Variants in PITPNC1 observed in about 807,000 individuals in gnomAD.
PITPNC1 encodes the protein cytoplasmic phosphatidylinositol transfer protein 1.
In PITPNC1, 18 loss-of-function variants were observed where a neutral mutation model predicts 44.7. The ratio of observed to expected loss-of-function variants is 0.40; its 90% CI spans 0.28 to 0.60. PITPNC1 has a LOEUF of 0.60. PITPNC1 is among the 20% of genes least tolerant of loss of function. PITPNC1 has a pLI of 0.39. For synonymous variants in PITPNC1, 141 were observed against 149.6 expected (o/e 0.94, Z 0.42); for missense variants, 290 against 418.4 (o/e 0.69, Z 2.68).
chr17:67,552,802 C>T (rs532874314), intron 3 of PITPNC1, among the ~76,000 whole-genome samples: 1,781 of 132,870 alleles, frequency 0.013, 20 homozygotes, highest in African/African-American at 0.039. Flanking sequence ...AGCGAGACTC[C>T]GTCAAAAAAA....
At chr17:67,566,804 A>T (rs1166852883) in intron 4 of PITPNC1, among the ~76,000 whole-genome samples, 2 of 152,158 alleles carry the variant, frequency 1.3e-5, no homozygotes, top group African/African-American at 4.8e-5. Context: ...TGTGCTTTCA[A>T]CCTCTGCTTC....
chr17:67,640,451 A>G (rs2042080165), intron 6 of PITPNC1, among the ~76,000 whole-genome samples: 2 of 152,026 alleles, frequency 1.3e-5, no homozygotes, highest in African/African-American at 4.8e-5. Flanking sequence ...AGGCCGAGGC[A>G]GGCGGATCAC....
Position 67,438,642 on chromosome 17 carries a change from G to A in PITPNC1, c.48+60440G>A, listed in dbSNP as rs550371393. On this transcript the variant is annotated intron_variant, in intron 1 of 8. Coordinates refer to ENST00000581322, the MANE Select transcript of PITPNC1 (RefSeq NM_012417.4). ...GGCCTAAGTGACTTTCTAATGCACA[G>A]AATGTGTGAATTTTAGAATATGATC... 4.4e-4 allele frequency among the ~76,000 whole-genome samples: 67 copies of A among 152,290 alleles called. 1 individual carries two copies. Among genetic ancestry groups the A allele is most frequent in the Admixed American group, 2.8e-3 (43 of 15,300 alleles).
chr17:67,654,180 C>T (rs1301986587), intron 6 of PITPNC1, among the ~76,000 whole-genome samples: 1 of 152,180 alleles, frequency 6.6e-6, no homozygotes, highest in Non-Finnish European at 1.5e-5. Flanking sequence ...ACTGTCGGTT[C>T]ACCTGGACCC....
intron 2 of PITPNC1, among the ~76,000 whole-genome samples, chr17:67,537,975 A>G (rs1454521253): frequency 2.0e-5 from 3 of 151,996 alleles, no homozygotes; most frequent in African/African-American, 2.4e-5. Context: ...CCATCTCAAA[A>G]AGAAAAAAAA....
Position 67,379,083 on chromosome 17 carries a change from T to G in PITPNC1, c.48+881T>G, listed in dbSNP as rs1326171002. On this transcript the variant is annotated intron_variant, in intron 1 of 8. Transcript: ENST00000581322. Reference sequence around the variant, plus strand: ...CGGCCCCGGCTTCCCTTTCTTCCCCTTCTTCCTCCCCACCTTTGTGGTGAT... The same window carrying G: ...CGGCCCCGGCTTCCCTTTCTTCCCCGTCTTCCTCCCCACCTTTGTGGTGAT... 4.1e-6 allele frequency: 4 copies of G among 985,822 alleles called. No individual in the cohort carries two copies. In the South Asian group the frequency reaches 1.4e-4, roughly 35 times the overall value. 61.1% of individuals were successfully genotyped at this position (985,822 alleles called of 1,614,324 possible). A position where few individuals can be genotyped will look rare whatever the true frequency, so the allele number is the denominator to read the frequency against.
chr17:67,673,217 C>A (rs899378983), intron 7 of PITPNC1, among the ~76,000 whole-genome samples: 1 of 152,212 alleles, frequency 6.6e-6, no homozygotes, highest in Admixed American at 6.5e-5. Flanking sequence ...TAAAATCCTT[C>A]ATTTATTGAA....
chr17:67,605,103 CAATAA>C (rs1203907628), intron 5 of PITPNC1, among the ~76,000 whole-genome samples: 1 of 152,046 alleles, frequency 6.6e-6, no homozygotes, highest in Admixed American at 6.6e-5. Context: ...TAAAACAAAA[CAATAA>C]AATAAAATAA....
At chr17:67,522,731 C>T (rs1323031416) in intron 1 of PITPNC1, among the ~76,000 whole-genome samples, 2 of 142,652 alleles carry the variant, frequency 1.4e-5, no homozygotes, top group African/African-American at 5.4e-5. Context: ...GATCATAGCT[C>T]ACTGCATTGC....
chr17:67,479,763 T>C (rs576082532), intron 1 of PITPNC1, among the ~76,000 whole-genome samples: 1 of 152,310 alleles, frequency 6.6e-6, no homozygotes, highest in Admixed American at 6.5e-5. Flanking sequence ...TCCTTTAGGT[T>C]CTAAGGACTG....
chr17:67,500,201 C>T (rs965796367), intron 1 of PITPNC1, among the ~76,000 whole-genome samples: 1 of 152,232 alleles, frequency 6.6e-6, no homozygotes, highest in African/African-American at 2.4e-5. Context: ...GCAATATTCT[C>T]TTTCCTTTCT....
In PITPNC1 at chr17:67,552,142, A is replaced by AC. The variant is rs2040773853; in HGVS notation, c.198-115_198-114insC. The AC allele has an allele frequency of 4.4e-6, 3 of 684,882 alleles. No individual in the cohort carries two copies. In the South Asian group the frequency reaches 4.8e-5, roughly 11 times the overall value. 42.4% of individuals were successfully genotyped at this position (684,882 alleles called of 1,614,324 possible). ...AGATGGGGAAAGGGCAGCTGTGGAG[A>AC]AAAGAGATGCCCCAGAATCCCCCTG... On this transcript the variant is annotated intron_variant, in intron 2 of 8. Coordinates refer to ENST00000581322, the MANE Select transcript of PITPNC1 (RefSeq NM_012417.4).
At chr17:67,636,305 C>CATTATCTG (rs1165187726) in intron 6 of PITPNC1, among the ~76,000 whole-genome samples, 1 of 140,476 alleles carries the variant, frequency 7.1e-6, no homozygotes, top group Admixed American at 7.1e-5. Flanking sequence ...AAAAAAAAAG[C>CATTATCTG]ATTATCTGGC....
At chr17:67,391,883 C>T (rs1366482918) in intron 1 of PITPNC1, among the ~76,000 whole-genome samples, 1 of 152,070 alleles carries the variant, frequency 6.6e-6, no homozygotes, top group Non-Finnish European at 1.5e-5. Flanking sequence ...GAAAGTGGTC[C>T]AGAAATTTTA....
chr17:67,670,851 T>C (rs1410198164), intron 7 of PITPNC1, among the ~76,000 whole-genome samples: 1 of 152,130 alleles, frequency 6.6e-6, no homozygotes, highest in Non-Finnish European at 1.5e-5. Flanking sequence ...CTACTTTGGC[T>C]AAACATGTTC....
chr17:67,655,515 G>A (rs964942712), intron 6 of PITPNC1, among the ~76,000 whole-genome samples: 11 of 128,254 alleles, frequency 8.6e-5, no homozygotes, highest in African/African-American at 1.5e-4. Flanking sequence ...AGCTGAGGTC[G>A]CACCACTGCA....
chr17:67,592,217 T>C (rs1281413178), intron 5 of PITPNC1, among the ~76,000 whole-genome samples: 3 of 152,166 alleles, frequency 2.0e-5, no homozygotes, highest in African/African-American at 7.2e-5. Context: ...TCAGATCAAC[T>C]TACAAATATC....
intron 5 of PITPNC1, among the ~76,000 whole-genome samples, chr17:67,609,769 CTGGT>C (rs2041663465): frequency 1.3e-5 from 2 of 149,376 alleles, no homozygotes; most frequent in Admixed American, 1.3e-4. Context: ...AGAATTGGAT[CTGGT>C]TAGATCCAAT....
chr17:67,548,503 A>G lies in PITPNC1; in HGVS notation c.198-3754A>G, dbSNP rs2040714852. Among the ~76,000 whole-genome samples the G allele has an allele frequency of 2.6e-5, 4 of 152,154 alleles. No individual in the cohort carries two copies. In the South Asian group the frequency reaches 8.3e-4, roughly 32 times the overall value. On this transcript the variant is annotated intron_variant, in intron 2 of 8. Coordinates refer to ENST00000581322, the MANE Select transcript of PITPNC1 (RefSeq NM_012417.4). The stretch of plus-strand genomic sequence containing the variant: ...CTACATGGTAGGCTGAGGCTGGAGA[A>G]TCGCTTGGACCTGGGAGATGGAGGT...
Sources: gnomAD v4.1 joint callset for allele counts (sites outside exome capture counted in the v4.1 genomes callset) on GRCh38, gnomAD v4.1.1 for gene constraint, MANE v1.5 for transcripts, NCBI Gene and HGNC (gene_info 2026-07-23, HGNC 2026-07-21) for gene names.